Variants in SLC25A13 observed in about 807,000 individuals in gnomAD.
The protein encoded by SLC25A13 is solute carrier family 25 member 13, also known as electrogenic aspartate/glutamate antiporter SLC25A13, mitochondrial.
SLC25A13 carries 70 observed loss-of-function variants against 85.5 expected under a neutral mutation model. The observed-to-expected ratio is 0.82, with a 90% CI of 0.68 to 1.00. The LOEUF (loss-of-function observed/expected upper bound fraction) is 1.00, where lower values mean the gene tolerates loss of function less well. Ranked by LOEUF, SLC25A13 falls within the 50% of genes least tolerant of loss-of-function variation. The pLI is 0.00. For synonymous variants in SLC25A13, 259 were observed against 288.7 expected (o/e 0.90, Z 1.04); for missense variants, 765 against 819.8 (o/e 0.93, Z 0.82).
chr7:96,279,732 T>A (rs1584556085), intron 2 of SLC25A13, among the ~76,000 whole-genome samples: 1 of 152,184 alleles, frequency 6.6e-6, no homozygotes, highest in East Asian at 1.9e-4. Flanking sequence ...AGAGAGTTTA[T>A]CTGAGTTTTT....
chr7:96,229,122 T>A (rs1033922285), intron 4 of SLC25A13, among the ~76,000 whole-genome samples: 1 of 152,186 alleles, frequency 6.6e-6, no homozygotes, highest in Admixed American at 6.5e-5. Context: ...GATGGGCAGC[T>A]CCGCCCGCAG....
intron 11 of SLC25A13, among the ~76,000 whole-genome samples, chr7:96,175,335 G>A (rs2116598431): frequency 6.6e-6 from 1 of 152,284 alleles, no homozygotes; most frequent in East Asian, 1.9e-4. Flanking sequence ...GGCTGTGCTT[G>A]GATCACAGAA....
chr7:96,209,423 A>G (rs1190184421), intron 4 of SLC25A13, among the ~76,000 whole-genome samples: 1 of 151,838 alleles, frequency 6.6e-6, no homozygotes, highest in Non-Finnish European at 1.5e-5. Flanking sequence ...CAAGTTATTT[A>G]AAAGTTTTTG....
chr7:96,213,106 A>C (rs1299339459), intron 4 of SLC25A13, among the ~76,000 whole-genome samples: 1 of 152,248 alleles, frequency 6.6e-6, no homozygotes, highest in Non-Finnish European at 1.5e-5. Flanking sequence ...TTATAGACTC[A>C]TAAGTTTCTG....
At chr7:96,316,542 C>G (rs1346160846) in intron 1 of SLC25A13, among the ~76,000 whole-genome samples, 1 of 152,242 alleles carries the variant, frequency 6.6e-6, no homozygotes, top group East Asian at 1.9e-4. Context: ...AGGTTAAGAG[C>G]AGAGACTCTG....
At chr7:96,203,520 A>C (rs753516889) in intron 5 of SLC25A13, among the ~76,000 whole-genome samples, 5 of 152,208 alleles carry the variant, frequency 3.3e-5, no homozygotes, top group Non-Finnish European at 5.9e-5. Flanking sequence ...TAGGGAAACA[A>C]CACCAACAAC....
intron 4 of SLC25A13, among the ~76,000 whole-genome samples, chr7:96,228,564 C>G (rs1796402782): frequency 6.6e-6 from 1 of 152,216 alleles, no homozygotes; most frequent in Admixed American, 6.5e-5. Context: ...GCTGGCAGTC[C>G]TCGCTCGCTC....
chr7:96,192,684 ATTTTTT>A (rs5885944), intron 6 of SLC25A13, among the ~76,000 whole-genome samples: 1 of 143,462 alleles, frequency 7.0e-6, no homozygotes, highest in African/African-American at 2.6e-5. Context: ...CATGTGCACT[ATTTTTT>A]TTTTTTTTTT....
intron 3 of SLC25A13, among the ~76,000 whole-genome samples, chr7:96,276,859 C>T (rs1401256661): frequency 1.3e-5 from 2 of 152,118 alleles, no homozygotes; most frequent in Admixed American, 1.3e-4. Flanking sequence ...CTATGTTGTA[C>T]ATTTACTCAC....
At chr7:96,166,565 TC>T (rs1489503563) in intron 13 of SLC25A13, among the ~76,000 whole-genome samples, 1 of 152,158 alleles carries the variant, frequency 6.6e-6, no homozygotes, top group Non-Finnish European at 1.5e-5. Flanking sequence ...GATCCCAGGC[TC>T]CTCAAGATTT....
chr7:96,223,542 C>T (rs1279136915), intron 4 of SLC25A13, among the ~76,000 whole-genome samples: 2 of 152,114 alleles, frequency 1.3e-5, no homozygotes, highest in Non-Finnish European at 2.9e-5. Context: ...AATCCTAGTA[C>T]TTTGGGAGGC....
intron 14 of SLC25A13, among the ~76,000 whole-genome samples, chr7:96,134,130 G>C (rs897635520): frequency 6.6e-6 from 1 of 151,046 alleles, no homozygotes; most frequent in Non-Finnish European, 1.5e-5. Context: ...CCGGGTTCAC[G>C]ATTCTGTTAC....
intron 15 of SLC25A13, among the ~76,000 whole-genome samples, chr7:96,125,304 C>T (rs534548644): frequency 4.3e-4 from 65 of 152,232 alleles, no homozygotes; most frequent in African/African-American, 1.4e-3. Context: ...GTTGACCAGG[C>T]TGGTCTCGAA....
chr7:96,224,989 C>A (rs1206764774), intron 4 of SLC25A13, among the ~76,000 whole-genome samples: 1 of 152,084 alleles, frequency 6.6e-6, no homozygotes, highest in Non-Finnish European at 1.5e-5. Flanking sequence ...ATTTCCTCTA[C>A]AGAAAATGAG....
At chr7:96,183,823 A>C (rs897399260) in intron 11 of SLC25A13, among the ~76,000 whole-genome samples, 16 of 152,178 alleles carry the variant, frequency 1.1e-4, no homozygotes, top group Non-Finnish European at 1.9e-4. Flanking sequence ...GATGAAGAAA[A>C]GGGGCAACTT....
In SLC25A13 at chr7:96,120,594, C is replaced by T. The variant is rs925829411; in HGVS notation, c.*597G>A. The T allele has an allele frequency of 1.5e-5, 7 of 454,322 alleles. No homozygotes were observed. The highest frequency in any genetic ancestry group is 1.4e-4 in the African/African-American group (7 of 49,980). 28.1% of individuals were successfully genotyped at this position (454,322 alleles called of 1,614,324 possible). ...GGCATTTCCCTAGTAGTCTTGGTAC[C>T]AGTAACAATATGATTACTAAACATC... On this transcript the variant is annotated 3_prime_UTR_variant, in exon 18 of 18. Transcript: ENST00000265631.
At chr7:96,301,650 T>C (rs998533644) in intron 1 of SLC25A13, among the ~76,000 whole-genome samples, 9 of 151,606 alleles carry the variant, frequency 5.9e-5, no homozygotes, top group African/African-American at 2.2e-4. Context: ...TTTTTTTAGT[T>C]GGGGGTCTCA....
chr7:96,248,305 GTA>G (rs1184925684), intron 3 of SLC25A13, among the ~76,000 whole-genome samples: 1 of 152,098 alleles, frequency 6.6e-6, no homozygotes, highest in African/African-American at 2.4e-5. Flanking sequence ...ACCACTCCTA[GTA>G]TAGGAGAAGG....
At chr7:96,232,984 C>G (rs1315780146) in intron 4 of SLC25A13, among the ~76,000 whole-genome samples, 2 of 152,186 alleles carry the variant, frequency 1.3e-5, no homozygotes, top group African/African-American at 4.8e-5. Flanking sequence ...ACACTTTGCC[C>G]TGCAATGGTG....
Sources: gnomAD v4.1 joint callset for allele counts (sites outside exome capture counted in the v4.1 genomes callset) on GRCh38, gnomAD v4.1.1 for gene constraint, MANE v1.5 for transcripts, NCBI Gene and HGNC (gene_info 2026-07-23, HGNC 2026-07-21) for gene names.